The following RP1 variants were observed in gnomAD, a reference collection of about 807,000 sequenced individuals.
The protein encoded by RP1 is oxygen-regulated protein 1.
A neutral mutation model predicts 14.8 loss-of-function variants in RP1; 16 were observed. That is an observed-to-expected ratio of 1.08 (90% CI 0.73 to 1.65). The LOEUF (loss-of-function observed/expected upper bound fraction) is 1.65. Ranked by LOEUF, RP1 falls within the 40% of genes most tolerant of loss-of-function variation. RP1 has a pLI of 0.00. For missense variants in RP1, 2,631 were observed against 2,535.0 expected (o/e 1.04, Z -0.81); for synonymous variants, 876 against 883.6 (o/e 0.99, Z 0.15).
chr8:54,796,090 T>G (rs537977062), intron 24 of RP1, among the ~76,000 whole-genome samples: 84 of 152,166 alleles, frequency 5.5e-4, no homozygotes, highest in Non-Finnish European at 1.0e-3. Flanking sequence ...AATTATCGGG[T>G]GGACAGATAG....
intron 23 of RP1, among the ~76,000 whole-genome samples, chr8:54,782,587 G>T (rs1473047827): frequency 6.6e-6 from 1 of 152,160 alleles, no homozygotes; most frequent in Non-Finnish European, 1.5e-5. Context: ...CTAGGGACAG[G>T]CTGTGATGAG....
intron 26 of RP1, among the ~76,000 whole-genome samples, chr8:54,852,928 A>G (rs568113107): frequency 6.6e-6 from 1 of 152,336 alleles, no homozygotes; most frequent in East Asian, 1.9e-4. Flanking sequence ...CAAACACAAT[A>G]TTCTACTTCC....
intron 24 of RP1, among the ~76,000 whole-genome samples, chr8:54,808,395 G>C (rs1810909891): frequency 6.6e-6 from 1 of 152,186 alleles, no homozygotes; most frequent in Non-Finnish European, 1.5e-5. Flanking sequence ...CCAGAGTGTG[G>C]AAGTGGACAT....
intron 24 of RP1, among the ~76,000 whole-genome samples, chr8:54,815,599 C>A (rs1374189944): frequency 6.6e-6 from 1 of 152,100 alleles, no homozygotes; most frequent in Non-Finnish European, 1.5e-5. Flanking sequence ...ATTTTAAAAC[C>A]TCTTAATGGC....
chr8:54,612,343 C>T (rs1228104279), upstream of RP1, among the ~76,000 whole-genome samples: 2 of 152,172 alleles, frequency 1.3e-5, no homozygotes, highest in African/African-American at 2.4e-5. Context: ...AGGCTGCTGT[C>T]CCCACAGCTG....
intron 8 of RP1, among the ~76,000 whole-genome samples, chr8:54,677,303 C>T (rs369441221): frequency 5.9e-5 from 9 of 151,922 alleles, no homozygotes; most frequent in East Asian, 1.9e-4. Context: ...CCTGGTGATG[C>T]AGATGCATGC....
intron 12 of RP1, chr8:54,696,702 T>C (rs529700732): frequency 2.8e-6 from 2 of 714,198 alleles, no homozygotes; most frequent in South Asian, 1.5e-5. Flanking sequence ...GTGATTTTAC[T>C]GGTGCAGAGA....
In RP1 at chr8:54,652,795, A is replaced by AT; in HGVS notation, c.969dup (p.Gly324TrpfsTer5). ...CTCTTCATAGATAACAGTTGGAGAC[A>AT]TTGGAGCACTCTTTAAGATTCGTAT... is the stretch of plus-strand genomic sequence containing the variant. On this transcript the variant is annotated frameshift_variant, in exon 5 of 23. Coordinates refer to the RP1 transcript ENST00000636932. LOFTEE classifies it high-confidence loss of function. The AT allele has an allele frequency of 6.5e-7, 1 of 1,535,822 alleles. No homozygotes were observed. Among genetic ancestry groups the AT allele is most frequent in the East Asian group, 2.4e-5 (1 of 40,886 alleles).
At chr8:54,585,494 A>G (rs1192311433) in intron 1 of RP1, among the ~76,000 whole-genome samples, 1 of 151,988 alleles carries the variant, frequency 6.6e-6, no homozygotes, top group African/African-American at 2.4e-5. Flanking sequence ...CTCTTCTCGA[A>G]GAGTATCTTT....
intron 1 of RP1, among the ~76,000 whole-genome samples, chr8:54,597,308 T>C (rs1805171930): frequency 6.6e-6 from 1 of 152,192 alleles, no homozygotes; most frequent in Non-Finnish European, 1.5e-5. Context: ...ATAGTTGTTA[T>C]GAGGATTAAA....
chr8:54,790,945 G>T (rs193287598), intron 24 of RP1, among the ~76,000 whole-genome samples: 106 of 152,282 alleles, frequency 7.0e-4, no homozygotes, highest in African/African-American at 2.5e-3. Context: ...TTAAAGAAAT[G>T]ATTACTGAAA....
intron 6 of RP1, among the ~76,000 whole-genome samples, chr8:54,660,861 A>G (rs1355847495): frequency 6.6e-6 from 1 of 152,044 alleles, no homozygotes; most frequent in African/African-American, 2.4e-5. Context: ...TTGTCTTTTA[A>G]GTTCTTACAT....
At chr8:54,733,917 T>C (rs561863856) in intron 17 of RP1, among the ~76,000 whole-genome samples, 1 of 152,274 alleles carries the variant, frequency 6.6e-6, no homozygotes, top group African/African-American at 2.4e-5. Context: ...GTTTGGGCAC[T>C]GCTGGTTGCT....
At chr8:54,749,330 C>CAA (rs368519775) in intron 19 of RP1, among the ~76,000 whole-genome samples, 104 of 141,586 alleles carry the variant, frequency 7.3e-4, no homozygotes, top group African/African-American at 2.7e-3. Context: ...GACTCCATCT[C>CAA]AAAAAAAAAA....
chr8:54,599,524 T>G (rs1007974449), intron 1 of RP1, among the ~76,000 whole-genome samples: 1 of 151,900 alleles, frequency 6.6e-6, no homozygotes, highest in Admixed American at 6.6e-5. Flanking sequence ...GGTGGCACCG[T>G]CTCGGCTCAC....
intron 22 of RP1, chr8:54,759,177 T>C: frequency 8.3e-7 from 1 of 1,208,900 alleles, no homozygotes; most frequent in Non-Finnish European, 1.1e-6. Context: ...TGTGTGTGTA[T>C]CTTTTAGGTC....
chr8:54,567,853 A>C (rs1804440440), intron 1 of RP1, among the ~76,000 whole-genome samples: 1 of 152,106 alleles, frequency 6.6e-6, no homozygotes, highest in Non-Finnish European at 1.5e-5. Context: ...TGGTTAGGGG[A>C]GGTAGAGGGG....
downstream of RP1, among the ~76,000 whole-genome samples, chr8:54,633,331 TA>T (rs1806284860): frequency 6.6e-6 from 1 of 152,142 alleles, no homozygotes; most frequent in Non-Finnish European, 1.5e-5. Flanking sequence ...CAAAATTCCC[TA>T]ATTCAAGCTG....
intron 1 of RP1, among the ~76,000 whole-genome samples, chr8:54,564,418 T>G (rs1404128739): frequency 6.6e-6 from 1 of 152,174 alleles, no homozygotes; most frequent in Non-Finnish European, 1.5e-5. Context: ...AAAATGAAGT[T>G]TCCTCTGGAT....
Sources: gnomAD v4.1 joint callset for allele counts (sites outside exome capture counted in the v4.1 genomes callset) on GRCh38, gnomAD v4.1.1 for gene constraint, MANE v1.5 for transcripts, NCBI Gene and HGNC (gene_info 2026-07-23, HGNC 2026-07-21) for gene names.